ANO10: variants seen among roughly 807,000 people sequenced by gnomAD.
ANO10 encodes anoctamin 10.
A neutral mutation model predicts 74.7 loss-of-function variants in ANO10; 77 were observed. That is an observed-to-expected ratio of 1.03 (90% CI 0.86 to 1.25). The LOEUF is 1.25. Ranked by LOEUF, ANO10 falls within the 50% of genes most tolerant of loss-of-function variation. ANO10 has a pLI of 0.00. For missense variants in ANO10, 721 were observed against 778.1 expected (o/e 0.93, Z 0.87); for synonymous variants, 279 against 284.9 (o/e 0.98, Z 0.21).
At chr3:43,367,674 C>T (rs939463310) in intron 12 of ANO10, among the ~76,000 whole-genome samples, 10 of 152,054 alleles carry the variant, frequency 6.6e-5, no homozygotes, top group African/African-American at 2.4e-4. Flanking sequence ...AGTCAGGCAG[C>T]GGCGTAGGGG....
At chr3:43,485,149 G>A (rs1386419097) in intron 11 of ANO10, 5 of 776,352 alleles carry the variant, frequency 6.4e-6, no homozygotes, top group Admixed American at 5.7e-5. Flanking sequence ...TGGATGGAGT[G>A]GGCCCTGGCG....
At chr3:43,496,594 C>T (rs1273423552) in intron 11 of ANO10, among the ~76,000 whole-genome samples, 1 of 152,036 alleles carries the variant, frequency 6.6e-6, no homozygotes, top group Non-Finnish European at 1.5e-5. Flanking sequence ...CCACAATACC[C>T]TGCTAATTTA....
chr3:43,646,336 G>A (rs2083725775), intron 1 of ANO10, among the ~76,000 whole-genome samples: 1 of 152,240 alleles, frequency 6.6e-6, no homozygotes, highest in South Asian at 2.1e-4. Context: ...ATGATGAGGA[G>A]GAGGGAGAGT....
At chr3:43,405,545 G>A (rs186520546) in intron 12 of ANO10, among the ~76,000 whole-genome samples, 2 of 152,286 alleles carry the variant, frequency 1.3e-5, no homozygotes, top group African/African-American at 4.8e-5. Context: ...GAGTGCAGTG[G>A]TGTGATCTCA....
intron 11 of ANO10, among the ~76,000 whole-genome samples, chr3:43,451,140 A>G (rs2074849406): frequency 6.6e-6 from 1 of 152,202 alleles, no homozygotes; most frequent in East Asian, 1.9e-4. Flanking sequence ...TTGGACCTTG[A>G]GAGAGGCAAC....
At chr3:43,666,520 A>G (rs1377629594) in intron 1 of ANO10, among the ~76,000 whole-genome samples, 1 of 152,202 alleles carries the variant, frequency 6.6e-6, no homozygotes, top group Non-Finnish European at 1.5e-5. Context: ...TCAAGAAATA[A>G]AGATGATTAT....
chr3:43,420,924 A>G (rs2092810228), intron 12 of ANO10, among the ~76,000 whole-genome samples: 1 of 152,204 alleles, frequency 6.6e-6, no homozygotes, highest in Non-Finnish European at 1.5e-5. Context: ...ATAATCTTTT[A>G]AAAAGAATTG....
upstream of ANO10, among the ~76,000 whole-genome samples, chr3:43,622,667 C>T (rs1463475961): frequency 6.6e-6 from 1 of 152,096 alleles, no homozygotes; most frequent in Non-Finnish European, 1.5e-5. Flanking sequence ...CTGCCCCAGC[C>T]ATTCCTTCTG....
intron 12 of ANO10, among the ~76,000 whole-genome samples, chr3:43,367,572 CTG>C (rs1417312263): frequency 6.6e-6 from 1 of 152,134 alleles, no homozygotes; most frequent in Non-Finnish European, 1.5e-5. Context: ...CATGAAGTCT[CTG>C]TGAGGGTGAC....
chr3:43,621,534 C>T (rs2083391445), intron 1 of ANO10, among the ~76,000 whole-genome samples: 1 of 152,122 alleles, frequency 6.6e-6, no homozygotes, highest in African/African-American at 2.4e-5. Context: ...CCACTCACTG[C>T]CTCCTTCCCC....
intron 11 of ANO10, among the ~76,000 whole-genome samples, chr3:43,460,301 A>G (rs996489452): frequency 4.6e-5 from 7 of 152,228 alleles, no homozygotes; most frequent in Non-Finnish European, 1.0e-4. Flanking sequence ...AATGGTAGGA[A>G]GAGTGATATG....
At position 43,591,669 on chromosome 3, in the gene ANO10, T is replaced by G. The variant is rs567486392; in HGVS notation, c.472+6863A>C. Among the ~76,000 whole-genome samples the G allele has an allele frequency of 2.0e-5, 3 of 152,278 alleles. No individual in the cohort carries two copies. The East Asian group carries it at 5.8e-4, about 29-fold the overall frequency. On this transcript the variant is annotated intron_variant, in intron 4 of 12. Transcript: ENST00000292246. ...AAGCTCCAGTCTACAGCTCCCAGCATGAGCGGCACAGAAGAGAGGTGACTT... is the reference window on the plus strand; with the variant it reads ...AAGCTCCAGTCTACAGCTCCCAGCAGGAGCGGCACAGAAGAGAGGTGACTT...
At chr3:43,578,064 G>A (rs1316852740) in intron 5 of ANO10, among the ~76,000 whole-genome samples, 2 of 152,128 alleles carry the variant, frequency 1.3e-5, no homozygotes, top group African/African-American at 4.8e-5. Flanking sequence ...GACAGTTGGT[G>A]TTATTATTTC....
chr3:43,402,440 C>T (rs1005219990), intron 12 of ANO10, among the ~76,000 whole-genome samples: 3 of 152,156 alleles, frequency 2.0e-5, no homozygotes, highest in Admixed American at 6.5e-5. Flanking sequence ...TATTACTTTG[C>T]ATATTTTAAA....
At chr3:43,412,280 G>C (rs560222077) in intron 12 of ANO10, among the ~76,000 whole-genome samples, 3 of 152,220 alleles carry the variant, frequency 2.0e-5, no homozygotes, top group Admixed American at 1.3e-4. Context: ...CACAGGGCTT[G>C]ACAGGCGTGT....
chr3:43,606,472 C>T (rs1040840665), intron 1 of ANO10, among the ~76,000 whole-genome samples: 16 of 151,912 alleles, frequency 1.1e-4, no homozygotes, highest in South Asian at 1.0e-3. Flanking sequence ...CTGATGTAGT[C>T]GGTAGGGAGC....
chr3:43,536,351 T>G (rs2078709262), intron 11 of ANO10, among the ~76,000 whole-genome samples: 1 of 152,212 alleles, frequency 6.6e-6, no homozygotes, highest in African/African-American at 2.4e-5. Flanking sequence ...CTGATGATTC[T>G]AGAAGCACAT....
At chr3:43,431,694 C>T (rs1367073514) in intron 12 of ANO10, among the ~76,000 whole-genome samples, 1 of 151,944 alleles carries the variant, frequency 6.6e-6, no homozygotes, top group African/African-American at 2.4e-5. Context: ...CTGGGTTCAT[C>T]CTCTTTTCCA....
At chr3:43,508,943 T>TAA (rs35265220) in intron 11 of ANO10, among the ~76,000 whole-genome samples, 11 of 104,736 alleles carry the variant, frequency 1.1e-4, no homozygotes, top group Non-Finnish European at 1.8e-4. Flanking sequence ...TAAAGTATAA[T>TAA]AAAAAAAAAA....
Sources: gnomAD v4.1 joint callset for allele counts (sites outside exome capture counted in the v4.1 genomes callset) on GRCh38, gnomAD v4.1.1 for gene constraint, MANE v1.5 for transcripts, NCBI Gene and HGNC (gene_info 2026-07-23, HGNC 2026-07-21) for gene names.